NTM: variants seen among roughly 807,000 people sequenced by gnomAD.
NTM encodes neurotrimin.
A neutral mutation model predicts 42.1 loss-of-function variants in NTM; 13 were observed. That is an observed-to-expected ratio of 0.31 (90% CI 0.20 to 0.49). NTM has a LOEUF of 0.49. Ranked by LOEUF, NTM falls within the 20% of genes least tolerant of loss-of-function variation. The pLI is 0.99. For synonymous variants in NTM, 187 were observed against 179.2 expected (o/e 1.04, Z -0.35); for missense variants, 373 against 452.8 (o/e 0.82, Z 1.60).
chr11:131,759,821 A>T (rs1007743206), intron 1 of NTM, among the ~76,000 whole-genome samples: 12 of 152,100 alleles, frequency 7.9e-5, no homozygotes, highest in Non-Finnish European at 1.8e-4. Flanking sequence ...TGAAATCTTG[A>T]TCCCAAATGG....
At chr11:131,997,978 A>C (rs940263051) in intron 2 of NTM, among the ~76,000 whole-genome samples, 20 of 138,822 alleles carry the variant, frequency 1.4e-4, no homozygotes, top group South Asian at 2.3e-4. Context: ...CCCTCCCCTC[A>C]CTCCCTGGTT....
In NTM at chr11:131,606,502, A is replaced by G. The variant is rs528460618; in HGVS notation, c.82+235614A>G. On this transcript the variant is annotated intron_variant, in intron 1 of 8. Coordinates refer to ENST00000683400, the MANE Select transcript of NTM (RefSeq NM_001352005.2). ...GAGTGATTCCTCATTAAATAGATGC[A>G]GAAGAGACTGATGGCCAGTGACTGG... 2.6e-5 allele frequency among the ~76,000 whole-genome samples: 4 copies of G among 152,364 alleles called. No individual in the cohort carries two copies. The East Asian group carries it at 7.7e-4, about 29-fold the overall frequency.
chr11:131,607,693 G>A (rs755683880), intron 1 of NTM, among the ~76,000 whole-genome samples: 1 of 152,052 alleles, frequency 6.6e-6, no homozygotes, highest in African/African-American at 2.4e-5. Flanking sequence ...TATAAAACAA[G>A]GTCTCTAATT....
intron 7 of NTM, among the ~76,000 whole-genome samples, chr11:132,328,855 G>A (rs1297463865): frequency 6.6e-6 from 1 of 152,064 alleles, no homozygotes; most frequent in Non-Finnish European, 1.5e-5. Context: ...GGCCCAGCAA[G>A]CCCTTCAAGG....
chr11:131,875,256 G>A (rs959605837), intron 1 of NTM, among the ~76,000 whole-genome samples: 19 of 151,554 alleles, frequency 1.3e-4, no homozygotes, highest in African/African-American at 3.1e-4. Context: ...AACATTTTAC[G>A]TAGAGAAAGT....
chr11:131,733,128 T>C (rs1468385763), intron 1 of NTM, among the ~76,000 whole-genome samples: 2 of 152,196 alleles, frequency 1.3e-5, no homozygotes, highest in African/African-American at 4.8e-5. Context: ...TTGTCTATGT[T>C]AATGATTATT....
At chr11:131,787,333 T>G (rs2089397709) in intron 1 of NTM, among the ~76,000 whole-genome samples, 1 of 137,496 alleles carries the variant, frequency 7.3e-6, no homozygotes, top group Admixed American at 7.3e-5. Context: ...TTTATTAGAT[T>G]TTAATATTAA....
At chr11:131,543,875 C>T (rs2053597622) in intron 1 of NTM, among the ~76,000 whole-genome samples, 1 of 152,144 alleles carries the variant, frequency 6.6e-6, no homozygotes, top group South Asian at 2.1e-4. Context: ...TTTGCTCATT[C>T]TAATTAATAA....
chr11:132,303,635 G>A (rs1284380982), intron 4 of NTM, among the ~76,000 whole-genome samples: 1 of 151,336 alleles, frequency 6.6e-6, no homozygotes, highest in Admixed American at 6.6e-5. Flanking sequence ...CCATAATAGG[G>A]TGTTTGCAAG....
At chr11:131,464,206 C>A (rs1202432019) in intron 1 of NTM, among the ~76,000 whole-genome samples, 2 of 152,034 alleles carry the variant, frequency 1.3e-5, no homozygotes, top group Non-Finnish European at 2.9e-5. Context: ...CAAAGCAAGT[C>A]CCTGGAGACC....
Position 131,965,069 on chromosome 11 carries a change from A to G in NTM, c.167+53421A>G, listed in dbSNP as rs529236178. Among the ~76,000 whole-genome samples the G allele has an allele frequency of 2.4e-4, 37 of 152,190 alleles. 1 individual carries two copies. The South Asian group carries it at 6.9e-3, about 28-fold the overall frequency. On this transcript the variant is annotated intron_variant, in intron 2 of 8. Transcript: ENST00000683400. ...AGAAAAGGGAGGATGTGTGGGGTAGAGTGGGGAAAGGGGTGGAAATAGAAT... is the reference window on the plus strand; with the variant it reads ...AGAAAAGGGAGGATGTGTGGGGTAGGGTGGGGAAAGGGGTGGAAATAGAAT...
At chr11:131,751,078 G>T (rs900420969) in intron 1 of NTM, among the ~76,000 whole-genome samples, 10 of 152,112 alleles carry the variant, frequency 6.6e-5, no homozygotes, top group African/African-American at 2.2e-4. Flanking sequence ...CAGGCCATTT[G>T]GGATGCCCTT....
intron 2 of NTM, among the ~76,000 whole-genome samples, chr11:132,011,493 C>T (rs936130413): frequency 6.6e-6 from 1 of 152,174 alleles, no homozygotes; most frequent in African/African-American, 2.4e-5. Context: ...GTTTCTTCAG[C>T]AGACTGTTTA....
intron 1 of NTM, among the ~76,000 whole-genome samples, chr11:131,878,999 A>G (rs1465579852): frequency 6.6e-6 from 1 of 151,964 alleles, no homozygotes; most frequent in East Asian, 1.9e-4. Context: ...ACCACCTCCA[A>G]TCCACGGAAC....
At chr11:132,280,013 G>A (rs1182119589) in intron 4 of NTM, among the ~76,000 whole-genome samples, 5 of 152,124 alleles carry the variant, frequency 3.3e-5, no homozygotes, top group African/African-American at 1.2e-4. Flanking sequence ...TGGTAAACAG[G>A]ACTTCATTGA....
At chr11:131,789,228 A>G (rs2089779149) in intron 1 of NTM, among the ~76,000 whole-genome samples, 1 of 151,784 alleles carries the variant, frequency 6.6e-6, no homozygotes, top group Non-Finnish European at 1.5e-5. Flanking sequence ...TTCCCTCTAC[A>G]CAAGAGTTCC....
intron 1 of NTM, among the ~76,000 whole-genome samples, chr11:131,751,598 A>C (rs1312555464): frequency 6.6e-6 from 1 of 151,888 alleles, no homozygotes; most frequent in Non-Finnish European, 1.5e-5. Flanking sequence ...TCAAAAAAAA[A>C]AAAAAAAGAA....
chr11:131,680,793 G>C (rs2072497259), intron 1 of NTM, among the ~76,000 whole-genome samples: 1 of 2,868 alleles, frequency 3.5e-4, no homozygotes, highest in Non-Finnish European at 7.0e-4. Flanking sequence ...GTGCCTGTGT[G>C]TGTGTGTGTG....
chr11:131,679,320 G>A (rs2134762393), intron 1 of NTM, among the ~76,000 whole-genome samples: 1 of 152,312 alleles, frequency 6.6e-6, no homozygotes, highest in South Asian at 2.1e-4. Context: ...ATGGAAAGAA[G>A]TAGGGAGGGG....
Sources: allele counts gnomAD v4.1 joint callset (sites outside exome capture counted in the v4.1 genomes callset), GRCh38; gene constraint gnomAD v4.1.1; transcripts MANE v1.5; gene names NCBI Gene and HGNC (gene_info 2026-07-23, HGNC 2026-07-21).